ADAMTSL1: variants seen among roughly 807,000 people sequenced by gnomAD.
The protein encoded by ADAMTSL1 is ADAMTS-like protein 1.
In ADAMTSL1, 126 loss-of-function variants were observed where a neutral mutation model predicts 201.8. That is an observed-to-expected ratio of 0.62 (90% CI 0.54 to 0.72). The LOEUF (loss-of-function observed/expected upper bound fraction) is 0.72, where lower values mean the gene tolerates loss of function less well. Among genes scored for constraint, ADAMTSL1 ranks in the 30% least tolerant of loss-of-function variants. The pLI, the probability that ADAMTSL1 is intolerant of heterozygous loss-of-function variation, is 0.00. For synonymous variants in ADAMTSL1, 1,121 were observed against 903.4 expected, an observed-to-expected ratio of 1.24 and a Z score of -4.32; for missense variants, 2,679 against 2,277.8, an observed-to-expected ratio of 1.18 and a Z score of -3.59.
rs147961272 is a variant in ADAMTSL1 at position 18,251,709 on chromosome 9, T to A, written c.207+87728T>A. On this transcript the variant is annotated intron_variant, in intron 2 of 29. Transcript: ENST00000680146. ...TGTGTGAAGCTTGCCTTACAAATTG[T>A]TATCAGTTGTTTCTATAACCCTACT... is the stretch of plus-strand genomic sequence containing the variant. Among the ~76,000 whole-genome samples the A allele has an allele frequency of 1.8e-3, 277 of 152,320 alleles. 2 individuals are homozygous for A. Among genetic ancestry groups the A allele is most frequent in the African/African-American group, 6.4e-3 (265 of 41,572 alleles).
At chr9:18,392,109 T>C (rs868391471) in intron 2 of ADAMTSL1, among the ~76,000 whole-genome samples, 3 of 152,000 alleles carry the variant, frequency 2.0e-5, no homozygotes, top group African/African-American at 4.8e-5. Flanking sequence ...CAGGCATGAG[T>C]CACTGCGACT....
At chr9:18,643,358 T>A (rs1477565121) in intron 7 of ADAMTSL1, among the ~76,000 whole-genome samples, 1 of 152,084 alleles carries the variant, frequency 6.6e-6, no homozygotes, top group East Asian at 1.9e-4. Context: ...TTTTTTCCAT[T>A]CTGTAGGTTG....
intron 15 of ADAMTSL1, chr9:18,722,888 G>A (rs577057710): frequency 2.6e-5 from 18 of 692,638 alleles, no homozygotes; most frequent in East Asian, 8.1e-5. Context: ...GAGTAACCTC[G>A]TTTTCTATCC....
chr9:18,829,705 A>G, intron 22 of ADAMTSL1, 138 bp from the exon 23 acceptor site: 1 of 1,204,958 alleles, frequency 8.3e-7, no homozygotes, highest in Non-Finnish European at 1.2e-6. Context: ...AGGAAAAATA[A>G]TGTTAAAAGG....
At chr9:18,680,221 C>A in intron 10 of ADAMTSL1, 91 bp from the exon 11 acceptor site, 1 of 1,316,920 alleles carries the variant, frequency 7.6e-7, no homozygotes, top group Non-Finnish European at 1.1e-6. Flanking sequence ...CTGATTATAC[C>A]AATAGACATG....
At chr9:18,202,286 G>T (rs1396509754) in intron 2 of ADAMTSL1, among the ~76,000 whole-genome samples, 1 of 152,086 alleles carries the variant, frequency 6.6e-6, no homozygotes, top group Non-Finnish European at 1.5e-5. Flanking sequence ...CAGTTTGAAA[G>T]AACAACAACA....
chr9:18,176,282 A>C (rs1306627124), intron 2 of ADAMTSL1, among the ~76,000 whole-genome samples: 1 of 152,192 alleles, frequency 6.6e-6, no homozygotes, highest in East Asian at 1.9e-4. Context: ...CCCATGGAAC[A>C]GAATCTTAAG....
At chr9:18,441,158 G>T (rs1819979018) in intron 2 of ADAMTSL1, among the ~76,000 whole-genome samples, 1 of 151,082 alleles carries the variant, frequency 6.6e-6, no homozygotes, top group Non-Finnish European at 1.5e-5. Context: ...AGCTATCAGG[G>T]GCTGGGAGTG....
intron 2 of ADAMTSL1, among the ~76,000 whole-genome samples, chr9:18,358,406 A>C (rs1469030135): frequency 6.6e-6 from 1 of 152,210 alleles, no homozygotes; most frequent in Non-Finnish European, 1.5e-5. Context: ...TCATTATTTT[A>C]AAGTATAAAA....
At chr9:18,344,759 G>A (rs1835625044) in intron 2 of ADAMTSL1, among the ~76,000 whole-genome samples, 1 of 152,110 alleles carries the variant, frequency 6.6e-6, no homozygotes, top group African/African-American at 2.4e-5. Flanking sequence ...ACAACTGTGG[G>A]GTGGAGGTGG....
At chr9:17,978,494 C>G (rs1284234173) in intron 1 of ADAMTSL1, among the ~76,000 whole-genome samples, 1 of 151,942 alleles carries the variant, frequency 6.6e-6, no homozygotes, top group South Asian at 2.1e-4. Context: ...ATGAGGCTTA[C>G]ATAAAACATC....
chr9:18,791,275 C>T (rs1047867270), intron 19 of ADAMTSL1, among the ~76,000 whole-genome samples: 1 of 152,178 alleles, frequency 6.6e-6, no homozygotes, highest in Admixed American at 6.5e-5. Flanking sequence ...ACTACTGCTC[C>T]GCCTAGTGGC....
At chr9:18,889,476 CT>C (rs1488612951) in intron 24 of ADAMTSL1, 91 bp from the exon 25 acceptor site, 6 of 1,392,208 alleles carry the variant, frequency 4.3e-6, no homozygotes, top group Non-Finnish European at 5.9e-6. Context: ...AAATCCACCC[CT>C]GTCACCTTCT....
intron 1 of ADAMTSL1, among the ~76,000 whole-genome samples, chr9:18,501,505 A>AAG (rs1411450302): frequency 2.1e-4 from 11 of 52,532 alleles, no homozygotes; most frequent in African/African-American, 4.7e-4. Context: ...CACGGTCTCA[A>AAG]AAAAAAAAAA....
At chr9:18,179,347 G>A (rs1258032545) in intron 2 of ADAMTSL1, among the ~76,000 whole-genome samples, 1 of 152,118 alleles carries the variant, frequency 6.6e-6, no homozygotes, top group Non-Finnish European at 1.5e-5. Context: ...AAAGAAACGA[G>A]CGAAGCCTCC....
At chr9:18,009,775 T>A (rs1437981394) in intron 1 of ADAMTSL1, among the ~76,000 whole-genome samples, 1 of 152,022 alleles carries the variant, frequency 6.6e-6, no homozygotes, top group Non-Finnish European at 1.5e-5. Context: ...CAAAGAAGAA[T>A]ATTCTAACTT....
chr9:18,808,479 T>A (rs1387878526), intron 20 of ADAMTSL1, among the ~76,000 whole-genome samples: 3 of 152,228 alleles, frequency 2.0e-5, no homozygotes, highest in Non-Finnish European at 2.9e-5. Context: ...AAAAAGGCCA[T>A]TACTTTCCAG....
chr9:18,029,485 G>A (rs1410056674), intron 1 of ADAMTSL1, among the ~76,000 whole-genome samples: 1 of 152,142 alleles, frequency 6.6e-6, no homozygotes, highest in Non-Finnish European at 1.5e-5. Flanking sequence ...ACATAGGCAT[G>A]GGCAAGGACT....
chr9:18,073,254 T>C (rs752522712), intron 1 of ADAMTSL1, among the ~76,000 whole-genome samples: 10 of 152,174 alleles, frequency 6.6e-5, no homozygotes, highest in Admixed American at 2.0e-4. Flanking sequence ...TCACTTGAAT[T>C]GTGGGCCCTG....
Sources: gnomAD v4.1 joint callset for allele counts (sites outside exome capture counted in the v4.1 genomes callset) on GRCh38, gnomAD v4.1.1 for gene constraint, MANE v1.5 for transcripts, NCBI Gene and HGNC (gene_info 2026-07-23, HGNC 2026-07-21) for gene names.